HEPHL1: variants seen among roughly 807,000 people sequenced by gnomAD.
The protein encoded by HEPHL1 is hephaestin like 1, also known as ferroxidase HEPHL1.
In HEPHL1, 123 loss-of-function variants were observed where a neutral mutation model predicts 122.0. The ratio of observed to expected loss-of-function variants is 1.01; its 90% CI spans 0.87 to 1.17. The LOEUF (loss-of-function observed/expected upper bound fraction) is 1.17. Among genes scored for constraint, HEPHL1 ranks in the 50% most tolerant of loss-of-function variants. The pLI, the probability that HEPHL1 is intolerant of heterozygous loss-of-function variation, is 0.00. For synonymous variants in HEPHL1, 527 were observed against 508.9 expected, an observed-to-expected ratio of 1.04 and a Z score of -0.48; for missense variants, 1,452 against 1,430.5, an observed-to-expected ratio of 1.01 and a Z score of -0.24.
chr11:94,097,898 C>A (rs1274180024), intron 13 of HEPHL1, among the ~76,000 whole-genome samples: 1 of 152,120 alleles, frequency 6.6e-6, no homozygotes, highest in Non-Finnish European at 1.5e-5. Flanking sequence ...TTATTCTGAG[C>A]CTGTGTGTGT....
chr11:94,038,322 C>T (rs1392457873), intron 1 of HEPHL1, among the ~76,000 whole-genome samples: 1 of 142,876 alleles, frequency 7.0e-6, no homozygotes, highest in Admixed American at 7.0e-5. Context: ...GAGAACTTCC[C>T]CAACCTAGCA....
chr11:94,060,040 A>AG (rs1945971684), intron 2 of HEPHL1, among the ~76,000 whole-genome samples: 4 of 143,770 alleles, frequency 2.8e-5, no homozygotes, highest in African/African-American at 1.0e-4. Flanking sequence ...CATTTTATTC[A>AG]GAGGGCTTTG....
chr11:94,048,864 T>A (rs1945863363), intron 2 of HEPHL1, among the ~76,000 whole-genome samples: 1 of 152,156 alleles, frequency 6.6e-6, no homozygotes, highest in African/African-American at 2.4e-5. Flanking sequence ...CTCATGCCTA[T>A]AATCCCAGCA....
intron 2 of HEPHL1, among the ~76,000 whole-genome samples, chr11:94,059,277 A>G (rs777154960): frequency 5.9e-5 from 9 of 152,220 alleles, no homozygotes; most frequent in Non-Finnish European, 1.2e-4. Flanking sequence ...CCATATGAAC[A>G]TATCAGTTCA....
At chr11:94,069,928 T>C (rs749953936) in intron 5 of HEPHL1, among the ~76,000 whole-genome samples, 8 of 152,168 alleles carry the variant, frequency 5.3e-5, no homozygotes, top group Non-Finnish European at 1.2e-4. Context: ...TGAGTATGGC[T>C]CTTTCCCCAT....
chr11:94,064,796 C>T (rs759480761), intron 4 of HEPHL1, among the ~76,000 whole-genome samples: 29 of 152,094 alleles, frequency 1.9e-4, no homozygotes, highest in Non-Finnish European at 3.5e-4. Flanking sequence ...GGAAAAGAAT[C>T]GGTGCCTGAG....
At chr11:94,053,914 G>A (rs1945912837) in intron 2 of HEPHL1, among the ~76,000 whole-genome samples, 2 of 152,018 alleles carry the variant, frequency 1.3e-5, no homozygotes, top group Non-Finnish European at 1.5e-5. Context: ...CTGTAAAGAG[G>A]GTATATTCTA....
chr11:94,094,372 CCA>C (rs1477134753), intron 13 of HEPHL1, among the ~76,000 whole-genome samples: 1 of 152,060 alleles, frequency 6.6e-6, no homozygotes. Context: ...TGTATATGTG[CCA>C]CATTTTCTTA....
rs563428534 is a variant in HEPHL1 at position 94,082,582 on chromosome 11, C to T, written c.1867+14C>T. 1.1e-5 allele frequency: 17 copies of T among 1,587,666 alleles called. No individual in the cohort carries two copies. The East Asian group carries it at 1.6e-4, about 15-fold the overall frequency. On this transcript the variant is annotated intron_variant, in intron 10 of 19. Coordinates refer to ENST00000315765, the MANE Select transcript of HEPHL1 (RefSeq NM_001098672.2). ...ACCGAATGCATGGTATGACAAATGA[C>T]ATTCCCGCCTGTAAATGAAAGGCTG...
chr11:94,064,419 G>C lies in HEPHL1; in HGVS notation c.717G>C (p.Trp239Cys). ...CTCTTGTGGATGAGAATCAAAGCTG[G>C]TACCTCAATGAAAATATCAAACATT... ...MFTLVDENQS[W>C]YLNENIKHFC... The change falls in exon 4 of 20, where the codon TGG becomes TGC. Residue 239 changes from tryptophan to cysteine, a missense_variant. Physicochemically the swap from Trp to Cys is radical, Grantham distance 215. Transcript: ENST00000315765. 1 of 1,612,266 alleles carries C rather than the reference G, an allele frequency of 6.2e-7. No individual in the cohort carries two copies. Among genetic ancestry groups the C allele is most frequent in the South Asian group, 1.1e-5 (1 of 91,042 alleles).
At chr11:94,102,802 C>A in intron 14 of HEPHL1, 112 bp from the exon 15 acceptor site, 1 of 617,408 alleles carries the variant, frequency 1.6e-6, no homozygotes. Context: ...GAGTAATTCT[C>A]TCCAGCAATA....
chr11:94,066,292 C>T lies in HEPHL1; in HGVS notation c.809-1204C>T, dbSNP rs180789354. Among the ~76,000 whole-genome samples, 73 of 151,876 alleles carry T rather than the reference C, an allele frequency of 4.8e-4. 1 individual carries two copies. The highest frequency in any genetic ancestry group is 1.9e-3 in the South Asian group (9 of 4,802). On this transcript the variant is annotated intron_variant, in intron 4 of 19. Coordinates refer to ENST00000315765, the MANE Select transcript of HEPHL1 (RefSeq NM_001098672.2). ...GAAAAGGGTGGGGTATTGTGGCACA[C>T]GCCTGTAATCCCAGCACTTTGGGAG... is the stretch of plus-strand genomic sequence containing the variant.
At chr11:94,081,759 A>T (rs1473949649) in intron 9 of HEPHL1, among the ~76,000 whole-genome samples, 1 of 152,176 alleles carries the variant, frequency 6.6e-6, no homozygotes, top group Non-Finnish European at 1.5e-5. Flanking sequence ...CATGAAACTC[A>T]CATTGCAGTA....
Position 94,104,702 on chromosome 11 carries a change from C to T in HEPHL1, c.2857C>T (p.Arg953Ter), listed in dbSNP as rs542337286. ...TAAGAAGTATCTCAACAAAGATCCA[C>T]GAGATTTTAAGCGCACTGATGATTT... is the stretch of plus-strand genomic sequence containing the variant. ...NIKKYLNKDPRDFKRTDDFEE... is the reference protein window; with the variant it reads ...NIKKYLNKDP Residue 953 changes from arginine (R) to a stop codon, truncating the protein, a stop_gained, in exon 16 of 20, where the codon CGA becomes TGA. Coordinates refer to ENST00000315765, the MANE Select transcript of HEPHL1 (RefSeq NM_001098672.2). LOFTEE classifies it high-confidence loss of function. The T allele has an allele frequency of 1.4e-5, 22 of 1,613,754 alleles. No individual in the cohort carries two copies. The East Asian group carries it at 2.0e-4, about 15-fold the overall frequency.
At chr11:94,026,187 G>GT (rs1452423113) in intron 1 of HEPHL1, among the ~76,000 whole-genome samples, 2 of 152,098 alleles carry the variant, frequency 1.3e-5, no homozygotes, top group South Asian at 2.1e-4. Flanking sequence ...TCCAGCCATC[G>GT]TGTCTACATT....
chr11:94,097,702 T>C (rs1012884103), intron 13 of HEPHL1, among the ~76,000 whole-genome samples: 1 of 152,172 alleles, frequency 6.6e-6, no homozygotes, highest in Admixed American at 6.5e-5. Flanking sequence ...TGGGTGCTCC[T>C]GTATTGGGTG....
At chr11:94,071,905 G>A (rs749334560) in intron 6 of HEPHL1, among the ~76,000 whole-genome samples, 2 of 152,122 alleles carry the variant, frequency 1.3e-5, no homozygotes, top group Non-Finnish European at 2.9e-5. Flanking sequence ...GGAATGAACA[G>A]ATGAGACTGC....
At chr11:94,106,389 T>G (rs1343288253) in intron 17 of HEPHL1, among the ~76,000 whole-genome samples, 3 of 149,938 alleles carry the variant, frequency 2.0e-5, no homozygotes, top group Admixed American at 6.7e-5. Flanking sequence ...ACCTCCCGGG[T>G]TCATGTCATT....
chr11:94,086,051 A>G lies in HEPHL1; in HGVS notation c.1942A>G (p.Ile648Val), dbSNP rs111718833. ...CKRDRVSWHLIGLGTDTDMHG... is the reference protein window; with the variant it reads ...CKRDRVSWHLVGLGTDTDMHG... ...AAGGGATAGAGTTTCCTGGCATCTG[A>G]TTGGATTGGGCACTGACACTGACAT... The change falls in exon 11 of 20, where the codon ATT becomes GTT. Residue 648 changes from isoleucine (I) to valine (V), a missense_variant. Transcript: ENST00000315765. 2 of 1,613,708 alleles carry G rather than the reference A, an allele frequency of 1.2e-6. No individual in the cohort carries two copies. Among genetic ancestry groups the G allele is most frequent in the African/African-American group, 2.7e-5 (2 of 74,932 alleles).
Sources: gnomAD v4.1 joint callset for allele counts (sites outside exome capture counted in the v4.1 genomes callset) on GRCh38, gnomAD v4.1.1 for gene constraint, MANE v1.5 for transcripts, NCBI Gene and HGNC (gene_info 2026-07-23, HGNC 2026-07-21) for gene names.